The following NRXN1 variants were observed in gnomAD, a reference collection of about 807,000 sequenced individuals.
NRXN1 encodes neurexin-1.
In NRXN1, 39 loss-of-function variants were observed where a neutral mutation model predicts 150.9. That is an observed-to-expected ratio of 0.26 (90% CI 0.20 to 0.34). The LOEUF is 0.34. Among genes scored for constraint, NRXN1 ranks in the 10% least tolerant of loss-of-function variants. The pLI is 1.00. For synonymous variants in NRXN1, 924 were observed against 757.0 expected, an observed-to-expected ratio of 1.22 and a Z score of -3.62; for missense variants, 1,815 against 1,949.9, an observed-to-expected ratio of 0.93 and a Z score of 1.30.
chr2:50,488,388 T>C (rs2091025550), intron 15 of NRXN1, among the ~76,000 whole-genome samples: 1 of 152,036 alleles, frequency 6.6e-6, no homozygotes, highest in South Asian at 2.1e-4. Context: ...TGATCAGGGG[T>C]GAAAAGCCAG....
intron 18 of NRXN1, among the ~76,000 whole-genome samples, chr2:50,164,683 A>G (rs553864483): frequency 1.3e-5 from 2 of 152,294 alleles, no homozygotes; most frequent in South Asian, 2.1e-4. Context: ...TATGATCAAT[A>G]GCAACCCCCA....
chr2:50,563,260 T>C (rs890799658), intron 8 of NRXN1, among the ~76,000 whole-genome samples: 1 of 152,230 alleles, frequency 6.6e-6, no homozygotes, highest in African/African-American at 2.4e-5. Context: ...ATTCCTATTA[T>C]TACAATTATT....
intron 5 of NRXN1, among the ~76,000 whole-genome samples, chr2:50,893,268 C>T (rs1323869128): frequency 1.3e-5 from 2 of 152,126 alleles, no homozygotes; most frequent in Admixed American, 6.5e-5. Flanking sequence ...GTAGGTAATA[C>T]ATTATTAAAA....
At position 50,472,067 on chromosome 2, in the gene NRXN1, C is replaced by A. The variant is rs59300829; in HGVS notation, c.3244+231G>T. ...ACAAAAGCAAAAACAGGCAAAAAAA[C>A]CAAGATCCATAGATATACCTCCCAT... On this transcript the variant is annotated intron_variant, in intron 16 of 22. Coordinates refer to ENST00000401669, the MANE Select transcript of NRXN1 (RefSeq NM_001330078.2). Among the ~76,000 whole-genome samples the A allele has an allele frequency of 0.56, 84,432 of 150,990 alleles. 23,968 individuals are homozygous for A. Among genetic ancestry groups the A allele is most frequent in the African/African-American group, 0.61 (24,940 of 41,164 alleles).
At chr2:50,944,833 C>A (rs778144764) in intron 2 of NRXN1, among the ~76,000 whole-genome samples, 3 of 152,176 alleles carry the variant, frequency 2.0e-5, no homozygotes, top group Non-Finnish European at 4.4e-5. Context: ...AGGATGCAGA[C>A]TCAACTAGCA....
At chr2:50,066,454 T>C (rs1015782944) in intron 19 of NRXN1, among the ~76,000 whole-genome samples, 32 of 152,304 alleles carry the variant, frequency 2.1e-4, no homozygotes, top group African/African-American at 7.5e-4. Context: ...GAAGGTGTGA[T>C]GGAACACAAA....
chr2:50,598,622 A>T (rs6757950), intron 8 of NRXN1, among the ~76,000 whole-genome samples: 1 of 146,272 alleles, frequency 6.8e-6, no homozygotes. Context: ...ATATATATAC[A>T]TGTATATATG....
At chr2:50,837,658 TAAGA>T (rs1012299244) in intron 5 of NRXN1, among the ~76,000 whole-genome samples, 2 of 151,962 alleles carry the variant, frequency 1.3e-5, no homozygotes, top group Admixed American at 1.3e-4. Flanking sequence ...AAGAGCTGAG[TAAGA>T]AAGAAAGAAA....
intron 2 of NRXN1, among the ~76,000 whole-genome samples, chr2:50,973,289 C>A (rs986249067): frequency 1.3e-5 from 2 of 152,138 alleles, no homozygotes; most frequent in Admixed American, 6.6e-5. Context: ...CTGGCAAACA[C>A]TGGTCACAGA....
intron 8 of NRXN1, among the ~76,000 whole-genome samples, chr2:50,579,205 G>C (rs779545230): frequency 6.6e-6 from 1 of 152,180 alleles, no homozygotes; most frequent in Non-Finnish European, 1.5e-5. Context: ...TGGGCTACAG[G>C]ACCAGGAGGA....
chr2:50,504,749 T>C (rs900514945), intron 13 of NRXN1, among the ~76,000 whole-genome samples: 1 of 152,152 alleles, frequency 6.6e-6, no homozygotes, highest in African/African-American at 2.4e-5. Context: ...TCCAATTTCC[T>C]GAAAGTCTAC....
At chr2:50,851,907 G>C (rs368109799) in intron 5 of NRXN1, among the ~76,000 whole-genome samples, 2 of 152,168 alleles carry the variant, frequency 1.3e-5, no homozygotes, top group African/African-American at 4.8e-5. Flanking sequence ...TAGTTAAAAA[G>C]GAAAAAGAGA....
chr2:50,800,641 C>G (rs761555045), intron 5 of NRXN1, among the ~76,000 whole-genome samples: 4 of 152,134 alleles, frequency 2.6e-5, no homozygotes, highest in Non-Finnish European at 5.9e-5. Context: ...CCTCCACCTC[C>G]CGGGTTCAGG....
At chr2:50,814,227 C>T (rs1435001562) in intron 5 of NRXN1, among the ~76,000 whole-genome samples, 2 of 151,980 alleles carry the variant, frequency 1.3e-5, no homozygotes, top group African/African-American at 2.4e-5. Flanking sequence ...GAACTCCTGG[C>T]CTCAAGGAAT....
At chr2:50,004,168 GT>G (rs1164883792) in intron 21 of NRXN1, among the ~76,000 whole-genome samples, 1 of 152,080 alleles carries the variant, frequency 6.6e-6, no homozygotes, top group East Asian at 1.9e-4. Context: ...AAGTCTTGTA[GT>G]TATTTTAGGG....
At chr2:50,285,705 AAGAC>A (rs1245570470) in intron 17 of NRXN1, among the ~76,000 whole-genome samples, 2 of 152,180 alleles carry the variant, frequency 1.3e-5, no homozygotes, top group African/African-American at 2.4e-5. Flanking sequence ...CTTAAATAAA[AAGAC>A]AGCAGGTAGT....
At chr2:49,973,097 C>T (rs1482685199) in intron 21 of NRXN1, 1 of 152,204 alleles carries the variant, frequency 6.6e-6, no homozygotes, top group Non-Finnish European at 1.5e-5. Context: ...CCAAGGAATT[C>T]ACACACACAT....
intron 8 of NRXN1, among the ~76,000 whole-genome samples, chr2:50,556,766 G>T (rs77832473): frequency 0.013 from 1,949 of 152,162 alleles, 22 homozygotes; most frequent in Middle Eastern, 0.058. Context: ...ATAACTTAAA[G>T]AATAGGAGCT....
chr2:50,830,689 G>A (rs1324486045), intron 5 of NRXN1, among the ~76,000 whole-genome samples: 1 of 149,606 alleles, frequency 6.7e-6, no homozygotes, highest in Non-Finnish European at 1.5e-5. Context: ...AGTTTTCACT[G>A]CTTGGTCCAT....
Sources: allele counts gnomAD v4.1 joint callset (sites outside exome capture counted in the v4.1 genomes callset), GRCh38; gene constraint gnomAD v4.1.1; transcripts MANE v1.5; gene names NCBI Gene and HGNC (gene_info 2026-07-23, HGNC 2026-07-21).